The following LGALS1 variants were observed in gnomAD, a reference collection of about 807,000 sequenced individuals.
The protein encoded by LGALS1 is galectin-1.
A neutral mutation model predicts 14.4 loss-of-function variants in LGALS1; 14 were observed. The observed-to-expected ratio is 0.97, with a 90% CI of 0.64 to 1.52. The LOEUF (loss-of-function observed/expected upper bound fraction) is 1.52. LGALS1 is among the 40% of genes most tolerant of loss of function. LGALS1 has a pLI of 0.00. For synonymous variants in LGALS1, 71 were observed against 73.4 expected (o/e 0.97, Z 0.17); for missense variants, 170 against 181.4 (o/e 0.94, Z 0.36).
intron 1 of LGALS1, among the ~76,000 whole-genome samples, chr22:37,676,673 G>T (rs966254361): frequency 3.3e-5 from 5 of 152,054 alleles, no homozygotes; most frequent in Non-Finnish European, 7.4e-5. Context: ...ATGGGACAGA[G>T]CACCCCATCT....
At chr22:37,678,171 A>C (rs1040740748) in intron 2 of LGALS1, among the ~76,000 whole-genome samples, 1 of 152,194 alleles carries the variant, frequency 6.6e-6, no homozygotes, top group African/African-American at 2.4e-5. Flanking sequence ...GGCACCGGGA[A>C]TACAGAGATG....
At chr22:37,677,609 A>C (rs1336842022) in intron 2 of LGALS1, 1 of 158,998 alleles carries the variant, frequency 6.3e-6, no homozygotes, top group African/African-American at 2.4e-5. Flanking sequence ...GGAGGAAGTG[A>C]GATGCGGCTG....
rs990552902 is a variant in LGALS1, at chr22:37,676,979, T to C, written c.10-7T>C. 1.2e-5 allele frequency: 20 copies of C among 1,614,032 alleles called. No homozygotes were observed. The highest frequency in any genetic ancestry group is 1.7e-5 in the Non-Finnish European group (20 of 1,179,990). ...TAACCCGGCTGGGCCGGGGCTTGTC[T>C]GTGCAGGGTCTGGTCGCCAGCAACC... On this transcript the variant is annotated splice_region_variant and splice_polypyrimidine_tract_variant and intron_variant, in intron 1 of 3. Transcript: ENST00000215909.
In LGALS1 at chr22:37,679,764, T is replaced by C. The variant is rs772092021; in HGVS notation, c.*15T>C. 3 of 1,573,046 alleles carry C rather than the reference T, an allele frequency of 1.9e-6. No homozygotes were observed. Among genetic ancestry groups the C allele is most frequent in the East Asian group, 2.4e-5 (1 of 42,420 alleles). Reference sequence around the variant, plus strand: ...CCTTTGACTGAAATCAGCCAGCCCATGGCCCCCAATAAAGGCAGCTGCCTC... The same window carrying C: ...CCTTTGACTGAAATCAGCCAGCCCACGGCCCCCAATAAAGGCAGCTGCCTC... On this transcript the variant is annotated 3_prime_UTR_variant, in exon 4 of 4. Transcript: ENST00000215909.
intron 1 of LGALS1, 166 bp from the exon 2 acceptor site, chr22:37,676,820 C>T (rs1225029291): frequency 4.1e-6 from 3 of 739,892 alleles, no homozygotes; most frequent in Admixed American, 2.0e-5. Context: ...CATAGACAAT[C>T]GGAGGCTGGA....
chr22:37,678,297 C>G (rs1921507959), intron 2 of LGALS1, 186 bp from the exon 3 acceptor site: 3 of 725,180 alleles, frequency 4.1e-6, no homozygotes, highest in Non-Finnish European at 7.6e-6. Flanking sequence ...CCCCATTGTA[C>G]AGATGAGCAA....
chr22:37,678,147 C>T (rs150762963), intron 2 of LGALS1, among the ~76,000 whole-genome samples: 3,607 of 152,256 alleles, frequency 0.024, 50 homozygotes, highest in Middle Eastern at 0.051. Context: ...TTCTGGTGTG[C>T]CCCACTTGTG....
In LGALS1 at chr22:37,679,603, G is replaced by A; in HGVS notation, c.262G>A (p.Val88Met). Residue 88 changes from valine to methionine, a missense_variant and splice_region_variant, in exon 4 of 4, where the codon GTG (valine) becomes ATG (methionine). Physicochemically the swap from Val to Met is conservative, Grantham distance 21. Coordinates refer to ENST00000215909, the MANE Select transcript of LGALS1 (RefSeq NM_002305.4). ...GCTCACTGCTCTCCTCTACCCCCAG[G>A]TGTGCATCACCTTCGACCAGGCCAA... is the stretch of plus-strand genomic sequence containing the variant. Reference protein sequence around the residue: ...FPFQPGSVAEVCITFDQANLT... With the variant: ...FPFQPGSVAEMCITFDQANLT... The A allele has an allele frequency of 6.2e-7, 1 of 1,602,982 alleles. No individual in the cohort carries two copies. The highest frequency in any genetic ancestry group is 8.5e-7 in the Non-Finnish European group (1 of 1,175,678).
At chr22:37,678,321 G>C (rs1290224473) in intron 2 of LGALS1, 162 bp from the exon 3 acceptor site, 6 of 768,480 alleles carry the variant, frequency 7.8e-6, no homozygotes, top group East Asian at 2.7e-5. Context: ...GGGGAAGAGG[G>C]GCAGGAGCAG....
chr22:37,678,496 C>T lies in LGALS1; in HGVS notation c.103C>T (p.Leu35=). ...GTTACCCCCCAGCTTCGTGCTGAAC[C>T]TGGGCAAAGACAGCAACAACCTGTG... ...APDAKSFVLN[L]GKDSNNLCLH... Residue 35 remains leucine (L), a synonymous_variant, in exon 3 of 4, where the codon CTG becomes TTG. Coordinates refer to ENST00000215909, the MANE Select transcript of LGALS1 (RefSeq NM_002305.4). The T allele has an allele frequency of 6.2e-7, 1 of 1,613,600 alleles. No individual in the cohort carries two copies. The highest frequency in any genetic ancestry group is 8.5e-7 in the Non-Finnish European group (1 of 1,180,030).
At chr22:37,677,340 T>G in intron 2 of LGALS1, 1 of 449,366 alleles carries the variant, frequency 2.2e-6, no homozygotes, top group Non-Finnish European at 4.1e-6. Context: ...CCCCACCCCT[T>G]TCCGGTCTGG....
chr22:37,679,157 C>T (rs1394013708), intron 3 of LGALS1, among the ~76,000 whole-genome samples: 1 of 144,214 alleles, frequency 6.9e-6, no homozygotes, highest in Non-Finnish European at 1.5e-5. Flanking sequence ...AATTAGCCAG[C>T]GTGCTGGCTC....
intron 2 of LGALS1, chr22:37,678,239 G>A (rs1921505479): frequency 3.1e-6 from 2 of 638,216 alleles, no homozygotes; most frequent in African/African-American, 3.6e-5. Flanking sequence ...GACCAAACGG[G>A]CTAGGATGCT....
At chr22:37,678,337 A>C in intron 2 of LGALS1, 146 bp from the exon 3 acceptor site, 1 of 866,710 alleles carries the variant, frequency 1.2e-6, no homozygotes, top group Non-Finnish European at 1.9e-6. Context: ...AGCAGGTGGC[A>C]TGGCCAGAGC....
intron 2 of LGALS1, 151 bp downstream of exon 2, chr22:37,677,216 G>A (rs773255202): frequency 2.7e-6 from 2 of 747,502 alleles, no homozygotes; most frequent in Non-Finnish European, 4.4e-6. Context: ...CACTTCCCCC[G>A]CAGGGTCTGG....
intron 2 of LGALS1, chr22:37,678,263 A>G (rs993290368): frequency 4.4e-6 from 3 of 683,586 alleles, no homozygotes; most frequent in Non-Finnish European, 8.2e-6. Flanking sequence ...GACTTCAAGA[A>G]TCAAGCGAGC....
Position 37,678,636 on chromosome 22 carries a change from GC to G in LGALS1, c.245del (p.Pro82LeufsTer16). 1 of 1,598,694 alleles carries G rather than the reference GC, an allele frequency of 6.3e-7. No homozygotes were observed. Among genetic ancestry groups the G allele is most frequent in the Non-Finnish European group, 8.5e-7 (1 of 1,172,410 alleles). ...EQREAVFPFQ[P>X]GSVAEVCITF... ...AGCGGGAGGCTGTCTTTCCCTTCCAGCCTGGAAGTGTTGCAGAGGTGGGCTG... is the reference window on the plus strand; with the variant it reads ...AGCGGGAGGCTGTCTTTCCCTTCCAGCTGGAAGTGTTGCAGAGGTGGGCTG... On this transcript the variant is annotated frameshift_variant, in exon 3 of 4. Coordinates refer to ENST00000215909, the MANE Select transcript of LGALS1 (RefSeq NM_002305.4). LOFTEE classifies it high-confidence loss of function.
At chr22:37,677,405 G>C (rs1281795583) in intron 2 of LGALS1, 6 of 323,756 alleles carry the variant, frequency 1.9e-5, no homozygotes, top group Non-Finnish European at 3.0e-5. Flanking sequence ...CGTCACCGCC[G>C]CCTTCCCCCT....
chr22:37,676,909 C>A (rs1202498827), intron 1 of LGALS1, 77 bp from the exon 2 acceptor site: 1 of 1,504,712 alleles, frequency 6.6e-7, no homozygotes, highest in East Asian at 2.3e-5. Context: ...CCACTCCCAC[C>A]CCCAGCCACC....
Sources: allele counts gnomAD v4.1 joint callset (sites outside exome capture counted in the v4.1 genomes callset), GRCh38; gene constraint gnomAD v4.1.1; transcripts MANE v1.5; gene names NCBI Gene and HGNC (gene_info 2026-07-23, HGNC 2026-07-21).